GLIS3: variants seen among roughly 807,000 people sequenced by gnomAD.
GLIS3 encodes GLIS family zinc finger 3, also known as zinc finger protein GLIS3.
Under a neutral mutation model 78.6 loss-of-function variants are expected in GLIS3, and 53 were observed. That is an observed-to-expected ratio of 0.67 (90% CI 0.54 to 0.85). The LOEUF is 0.85. Ranked by LOEUF, GLIS3 falls within the 40% of genes least tolerant of loss-of-function variation. GLIS3 has a pLI of 0.00. For synonymous variants in GLIS3, 684 were observed against 509.9 expected (o/e 1.34, Z -4.60); for missense variants, 1,703 against 1,231.1 (o/e 1.38, Z -5.74).
intron 4 of GLIS3, among the ~76,000 whole-genome samples, chr9:3,954,620 C>G (rs1160603284): frequency 6.6e-6 from 1 of 152,208 alleles, no homozygotes. Context: ...TCAATATGCA[C>G]TTCCAAGCTC....
the GLIS3 span, among the ~76,000 whole-genome samples, chr9:4,488,924 T>C: frequency 1.3e-5 from 2 of 152,036 alleles, no homozygotes. Context: ...TGGAGCGCAG[T>C]GGCTTGATCT....
At chr9:3,886,036 C>A (rs538938171) in intron 7 of GLIS3, among the ~76,000 whole-genome samples, 2 of 152,198 alleles carry the variant, frequency 1.3e-5, no homozygotes, top group Non-Finnish European at 2.9e-5. Flanking sequence ...GAACGCCAGT[C>A]AAGTGCTCAA....
intron 4 of GLIS3, among the ~76,000 whole-genome samples, chr9:4,116,179 G>C (rs2130866791): frequency 6.6e-6 from 1 of 152,284 alleles, no homozygotes; most frequent in Middle Eastern, 3.4e-3. Flanking sequence ...GTTTATTTCA[G>C]TAAAGCCAAA....
At chr9:4,152,324 G>C (rs1167001491) in intron 2 of GLIS3, 1 of 153,030 alleles carries the variant, frequency 6.5e-6, no homozygotes, top group East Asian at 1.9e-4. Context: ...AGGAGGAGGG[G>C]AATGGAAGAG....
chr9:4,378,189 A>T, the GLIS3 span, among the ~76,000 whole-genome samples: 5 of 152,216 alleles, frequency 3.3e-5, no homozygotes, highest in Admixed American at 6.5e-5. Context: ...ATGAGCATTT[A>T]CTATGTGCCA....
At chr9:3,902,277 C>G (rs1823361682) in intron 6 of GLIS3, among the ~76,000 whole-genome samples, 1 of 152,132 alleles carries the variant, frequency 6.6e-6, no homozygotes, top group Non-Finnish European at 1.5e-5. Flanking sequence ...CATAGAAACG[C>G]AGTCATGATA....
intron 4 of GLIS3, chr9:4,305,267 G>A (rs1247782708): frequency 6.6e-6 from 1 of 152,266 alleles, no homozygotes; most frequent in Non-Finnish European, 1.5e-5. Context: ...CAGGTGGTAT[G>A]TTGGAAGAAG....
At position 4,158,189 on chromosome 9, in the gene GLIS3, C is replaced by T. The variant is rs557585661; in HGVS notation, c.389-32248G>A. Among the ~76,000 whole-genome samples, 109 of 152,284 alleles carry T rather than the reference C, an allele frequency of 7.2e-4. 1 individual carries two copies. The highest frequency in any genetic ancestry group is 3.4e-3 in the Middle Eastern group (1 of 294). On this transcript the variant is annotated intron_variant, in intron 2 of 10. Transcript: ENST00000381971. The stretch of plus-strand genomic sequence containing the variant: ...ATTTTTATTCTGTCGAGAATTCCTT[C>T]TTATGTTTCATAAGCTCCTTTCTCC...
At chr9:4,268,059 A>ACACACACACT (rs1206250706) in intron 2 of GLIS3, among the ~76,000 whole-genome samples, 3 of 152,064 alleles carry the variant, frequency 2.0e-5, no homozygotes, top group African/African-American at 7.3e-5. Flanking sequence ...GTGCGCACAC[A>ACACACACACT]CACACACACT....
chr9:4,043,165 A>G (rs1477184237), intron 4 of GLIS3, among the ~76,000 whole-genome samples: 1 of 152,130 alleles, frequency 6.6e-6, no homozygotes, highest in Non-Finnish European at 1.5e-5. Flanking sequence ...TAACTCCTGC[A>G]TTTTAATCCC....
intron 2 of GLIS3, among the ~76,000 whole-genome samples, chr9:4,252,590 C>T (rs896273774): frequency 6.6e-6 from 1 of 152,068 alleles, no homozygotes; most frequent in African/African-American, 2.4e-5. Context: ...TTATTAGCCA[C>T]CTTCTGAAGC....
At position 4,285,986 on chromosome 9, in the gene GLIS3, G is replaced by A. The variant is rs10758591; in HGVS notation, c.388+52C>T. The A allele has an allele frequency of 3.7e-6, 6 of 1,607,008 alleles. No individual in the cohort carries two copies. The African/African-American group carries it at 8.0e-5, about 22-fold the overall frequency. ...GATTTGCTGGCAGAAAATGGGATGG[G>A]GGAGAAAAAAATCGTTTCCATTTTT... On this transcript the variant is annotated intron_variant, in intron 2 of 10. Coordinates refer to ENST00000381971, the MANE Select transcript of GLIS3 (RefSeq NM_001042413.2).
At chr9:4,179,537 A>G (rs892623821) in intron 2 of GLIS3, among the ~76,000 whole-genome samples, 14 of 152,278 alleles carry the variant, frequency 9.2e-5, no homozygotes, top group Admixed American at 7.8e-4. Flanking sequence ...ACTATTTATT[A>G]AGCCTCTCTA....
chr9:4,085,716 G>C (rs1050825308), intron 4 of GLIS3, among the ~76,000 whole-genome samples: 1 of 152,170 alleles, frequency 6.6e-6, no homozygotes, highest in East Asian at 1.9e-4. Context: ...CCTCGGTGCT[G>C]TCCTCGCAAT....
chr9:4,286,028 A>T lies in GLIS3; in HGVS notation c.388+10T>A. ...TCCATTTTTAAAAGGTTCCAGAAAG[A>T]CAATCCTACCTTTCCCAGGATTTGG... On this transcript the variant is annotated intron_variant, in intron 2 of 10. Coordinates refer to ENST00000381971, the MANE Select transcript of GLIS3 (RefSeq NM_001042413.2). 2 of 1,614,140 alleles carry T rather than the reference A, an allele frequency of 1.2e-6. No homozygotes were observed. Among genetic ancestry groups the T allele is most frequent in the Non-Finnish European group, 1.7e-6 (2 of 1,180,016 alleles).
intron 2 of GLIS3, among the ~76,000 whole-genome samples, chr9:4,160,807 G>C (rs1306425291): frequency 1.3e-5 from 2 of 152,144 alleles, no homozygotes; most frequent in African/African-American, 2.4e-5. Flanking sequence ...GAGGCATGTA[G>C]ATGACTTCAA....
chr9:4,132,729 G>C (rs892379139), intron 2 of GLIS3, among the ~76,000 whole-genome samples: 3 of 152,052 alleles, frequency 2.0e-5, no homozygotes, highest in African/African-American at 7.2e-5. Flanking sequence ...CCTAGGCTGG[G>C]TCATATAAAA....
At chr9:4,354,942 C>A in the GLIS3 span, among the ~76,000 whole-genome samples, 5 of 151,978 alleles carry the variant, frequency 3.3e-5, no homozygotes, top group Non-Finnish European at 7.4e-5. Flanking sequence ...CGGCGAAACC[C>A]CATCTCTACT....
chr9:4,136,039 A>C (rs1044623264), intron 2 of GLIS3, among the ~76,000 whole-genome samples: 3 of 152,336 alleles, frequency 2.0e-5, no homozygotes. Flanking sequence ...ACACCAAAGG[A>C]TGACAATTAG....
Sources: gnomAD v4.1 joint callset for allele counts (sites outside exome capture counted in the v4.1 genomes callset) on GRCh38, gnomAD v4.1.1 for gene constraint, MANE v1.5 for transcripts, NCBI Gene and HGNC (gene_info 2026-07-23, HGNC 2026-07-21) for gene names.